WDR86: variants seen among roughly 807,000 people sequenced by gnomAD.
The protein encoded by WDR86 is WD repeat-containing protein 86.
A neutral mutation model predicts 36.5 loss-of-function variants in WDR86; 30 were observed. The observed-to-expected ratio is 0.82, with a 90% CI of 0.61 to 1.11. The LOEUF (loss-of-function observed/expected upper bound fraction) is 1.11. Ranked by LOEUF, WDR86 falls within the 50% of genes most tolerant of loss-of-function variation. The pLI is 0.00. For missense variants in WDR86, 545 were observed against 561.2 expected (o/e 0.97, Z 0.29); for synonymous variants, 255 against 252.9 (o/e 1.01, Z -0.08).
At chr7:151,376,932 G>T, downstream of WDR86, 1 of 1,413,822 alleles carries the variant, frequency 7.1e-7, no homozygotes, top group South Asian at 1.5e-5. Flanking sequence ...TCACCGGGCC[G>T]GCCACCTGGA....
rs1462291543 is a variant in WDR86 at position 151,381,869 on chromosome 7, G to A, written c.966+9C>T. On this transcript the variant is annotated intron_variant, in intron 5 of 5. Coordinates refer to ENST00000334493, the MANE Select transcript of WDR86 (RefSeq NM_198285.3). This position sits in a 1 kb window ranked among gnomAD's most constrained non-coding sequence, Gnocchi z 4.8. ...GGGCGGCGGCCCCGAGAAGGGCAGA[G>A]GGACCTACCTGGATGCAGTTGATGA... The A allele has an allele frequency of 2.5e-6, 4 of 1,604,884 alleles. No individual in the cohort carries two copies. The highest frequency in any genetic ancestry group is 2.3e-5 in the East Asian group (1 of 44,350).
intron 3 of WDR86, among the ~76,000 whole-genome samples, chr7:151,389,770 C>T (rs914339778): frequency 3.3e-5 from 5 of 152,158 alleles, no homozygotes; most frequent in African/African-American, 1.2e-4. Flanking sequence ...TCTCTCATTT[C>T]GAGGAAGGGG....
At chr7:151,375,498 A>G (rs188866555), downstream of WDR86, among the ~76,000 whole-genome samples, 224 of 152,352 alleles carry the variant, frequency 1.5e-3, no homozygotes, top group African/African-American at 4.7e-3. Flanking sequence ...TCTAGAGGGC[A>G]TGACGCTTTC....
rs372794701 is a variant in WDR86, at chr7:151,395,894, G to A, written c.608C>T (p.Thr203Met). 5.9e-5 allele frequency: 94 copies of A among 1,602,420 alleles called. No homozygotes were observed. The highest frequency in any genetic ancestry group is 2.0e-4 in the Middle Eastern group (1 of 4,962). ...TGAVLCLVLD[T>M]PGHTAFTGST... ...GCCTGTGAAGGCCGTGTGGCCGGGC[G>A]TGTCTAGCACTAGGCACAGCACTGC... is the stretch of plus-strand genomic sequence containing the variant. The change falls in exon 3 of 6, where the codon ACG becomes ATG. Residue 203 changes from threonine (T) to methionine (M), a missense_variant. Physicochemically the swap from Thr to Met is moderately conservative, Grantham distance 81 (BLOSUM62 -1). Transcript: ENST00000334493.
intron 1 of WDR86, among the ~76,000 whole-genome samples, chr7:151,407,241 GTCAGTACC>G (rs769920548): frequency 6.6e-6 from 1 of 152,222 alleles, no homozygotes; most frequent in African/African-American, 2.4e-5. Flanking sequence ...GGAAGTGAGT[GTCAGTACC>G]TCAAGGGGAC....
downstream of WDR86, chr7:151,377,286 A>G: frequency 9.0e-7 from 1 of 1,113,358 alleles, no homozygotes; most frequent in South Asian, 1.7e-5. Flanking sequence ...GAAAAGGCTA[A>G]TGCAGCTCTT....
At chr7:151,400,607 T>C (rs962425067) in intron 1 of WDR86, among the ~76,000 whole-genome samples, 15 of 152,304 alleles carry the variant, frequency 9.8e-5, no homozygotes, top group Non-Finnish European at 1.6e-4. Flanking sequence ...GGTCTCGAAC[T>C]CCTGACCTCA....
intron 3 of WDR86, among the ~76,000 whole-genome samples, chr7:151,393,264 TG>T (rs1799568723): frequency 6.6e-6 from 1 of 152,188 alleles, no homozygotes; most frequent in Non-Finnish European, 1.5e-5. Context: ...GTATCATGCA[TG>T]TGCATGTGGA....
At chr7:151,370,789 C>T in the WDR86 span, among the ~76,000 whole-genome samples, 7 of 148,248 alleles carry the variant, frequency 4.7e-5, no homozygotes, top group South Asian at 2.1e-4. Flanking sequence ...TGAGAATATG[C>T]GGTGTTTGGT....
At chr7:151,372,077 T>C (rs940802909), downstream of WDR86, among the ~76,000 whole-genome samples, 6 of 152,222 alleles carry the variant, frequency 3.9e-5, no homozygotes, top group Non-Finnish European at 1.5e-5. Flanking sequence ...CAGTTTCTCA[T>C]CTGAGAAAAG....
downstream of WDR86, among the ~76,000 whole-genome samples, chr7:151,379,973 A>G (rs1798473997): frequency 6.6e-6 from 1 of 152,214 alleles, no homozygotes; most frequent in African/African-American, 2.4e-5. Context: ...CCGTCCCTTC[A>G]GCACGATGGA....
At chr7:151,399,696 C>A (rs187129776) in intron 2 of WDR86, among the ~76,000 whole-genome samples, 1 of 152,252 alleles carries the variant, frequency 6.6e-6, no homozygotes, top group Non-Finnish European at 1.5e-5. Flanking sequence ...ACTCCGTCTT[C>A]GGAACAATCC....
chr7:151,393,525 C>G (rs1182253157), intron 3 of WDR86, among the ~76,000 whole-genome samples: 1 of 152,164 alleles, frequency 6.6e-6, no homozygotes, highest in Admixed American at 6.5e-5. Flanking sequence ...CCAGCACCAG[C>G]CTCCACCTGG....
the WDR86 span, among the ~76,000 whole-genome samples, chr7:151,370,812 C>T: frequency 2.7e-5 from 4 of 150,802 alleles, no homozygotes; most frequent in African/African-American, 7.3e-5. Context: ...TTTGTTCTTG[C>T]GATAGTTTAC....
Position 151,381,664 on chromosome 7 carries a change from C to G in WDR86, c.1049G>C (p.Arg350Pro), listed in dbSNP as rs1798578303. 1 of 1,409,408 alleles carries G rather than the reference C, an allele frequency of 7.1e-7. No individual in the cohort carries two copies. The highest frequency in any genetic ancestry group is 3.0e-5 in the East Asian group (1 of 33,726). The allele number at this position is 1,409,408 out of a possible 1,614,324, so 87.3% of individuals were successfully genotyped here. ...GAGGCTGCGCATGGGCGGAGGGGGC[C>G]GCGGGGCACCTCGGAGCCCGCGCAC... ...WDVRGLRGAP[R>P]PPPPMRSLSR... Residue 350 changes from arginine (R) to proline (P), a missense_variant, in exon 6 of 6, where the codon CGG becomes CCG. By Grantham distance (103) the Arg-to-Pro change is moderately radical (BLOSUM62 -2). Transcript: ENST00000334493. This position sits in a 1 kb window ranked among gnomAD's most constrained non-coding sequence, Gnocchi z 4.8.
chr7:151,403,835 G>C (rs1010112424), intron 1 of WDR86, among the ~76,000 whole-genome samples: 3 of 152,256 alleles, frequency 2.0e-5, no homozygotes, highest in Admixed American at 6.5e-5. Context: ...GGAGGGCTCA[G>C]CAGAGAGATT....
chr7:151,402,066 A>T (rs1433306538), intron 1 of WDR86, among the ~76,000 whole-genome samples: 34 of 67,306 alleles, frequency 5.1e-4, no homozygotes, highest in African/African-American at 9.6e-4. Flanking sequence ...AAAAAAAAAA[A>T]AAAAATATAT....
At chr7:151,407,148 C>T (rs577103586) in intron 1 of WDR86, among the ~76,000 whole-genome samples, 36 of 152,348 alleles carry the variant, frequency 2.4e-4, no homozygotes, top group African/African-American at 8.7e-4. Context: ...GCAAAATGGG[C>T]CACAGTTCTT....
At chr7:151,397,657 GGGCAT>G (rs1563059093) in intron 2 of WDR86, among the ~76,000 whole-genome samples, 2 of 68,960 alleles carry the variant, frequency 2.9e-5, no homozygotes, top group Non-Finnish European at 7.5e-5. Flanking sequence ...GCGGGAGGAA[GGGCAT>G]AGCGGGAGGA....
Sources: gnomAD v4.1 joint callset for allele counts (sites outside exome capture counted in the v4.1 genomes callset) on GRCh38, gnomAD v4.1.1 for gene constraint, Gnocchi (gnomAD v3.1) non-coding constraint, MANE v1.5 for transcripts, NCBI Gene and HGNC (gene_info 2026-07-23, HGNC 2026-07-21) for gene names.